Variants in DPY19L2 observed in about 807,000 individuals in gnomAD.
DPY19L2 encodes the protein probable C-mannosyltransferase DPY19L2.
A neutral mutation model predicts 97.9 loss-of-function variants in DPY19L2; 34 were observed. The observed-to-expected ratio is 0.35, with a 90% CI of 0.26 to 0.46. The LOEUF (loss-of-function observed/expected upper bound fraction) is 0.46. DPY19L2 is among the 20% of genes least tolerant of loss of function. DPY19L2 has a pLI of 1.00. For synonymous variants in DPY19L2, 230 were observed against 307.9 expected, an observed-to-expected ratio of 0.75 and a Z score of 2.65; for missense variants, 623 against 911.4, an observed-to-expected ratio of 0.68 and a Z score of 4.07.
intron 16 of DPY19L2, among the ~76,000 whole-genome samples, chr12:63,592,733 G>C (rs1346679573): frequency 6.7e-6 from 1 of 149,900 alleles, no homozygotes; most frequent in East Asian, 2.0e-4. Flanking sequence ...GCATGGGCAA[G>C]GACTTCATGT....
upstream of DPY19L2, chr12:63,668,566 G>C (rs1236198663): frequency 8.8e-6 from 6 of 683,000 alleles, no homozygotes; most frequent in African/African-American, 1.1e-4. Flanking sequence ...GCATGCGTTG[G>C]AAGCCATTCG....
intron 15 of DPY19L2, 120 bp from the exon 16 acceptor site, chr12:63,594,253 G>T: frequency 2.7e-6 from 2 of 730,954 alleles, no homozygotes; most frequent in Non-Finnish European, 4.3e-6. Flanking sequence ...GTTTAAGGGA[G>T]TCCTCAGGAA....
intron 4 of DPY19L2, among the ~76,000 whole-genome samples, chr12:63,653,540 C>A (rs1275951753): frequency 1.3e-5 from 2 of 151,750 alleles, no homozygotes; most frequent in Non-Finnish European, 2.9e-5. Flanking sequence ...AGAGTGAGAT[C>A]CTGTCTCAAA....
In DPY19L2 at chr12:63,585,584, A is replaced by C. The variant is rs187335755; in HGVS notation, c.1581-1748T>G. ...TGTCCCGAAATCTTCTAGGCACAACAGATTCCTGTAGTGAGCTGCATGCAA... is the reference window on the plus strand; with the variant it reads ...TGTCCCGAAATCTTCTAGGCACAACCGATTCCTGTAGTGAGCTGCATGCAA... On this transcript the variant is annotated intron_variant, in intron 16 of 21. Transcript: ENST00000324472. Among the ~76,000 whole-genome samples, 1,262 of 152,248 alleles carry C rather than the reference A, an allele frequency of 8.3e-3. 13 individuals are homozygous for C. Among genetic ancestry groups the C allele is most frequent in the Middle Eastern group, 0.017 (5 of 294 alleles).
upstream of DPY19L2, chr12:63,668,619 G>A: frequency 3.6e-6 from 2 of 548,030 alleles, no homozygotes; most frequent in South Asian, 4.6e-5. Flanking sequence ...TCCCCAGCGC[G>A]AGCAGCACCC....
At chr12:63,574,549 T>C (rs1483211738) in intron 19 of DPY19L2, among the ~76,000 whole-genome samples, 1 of 151,806 alleles carries the variant, frequency 6.6e-6, no homozygotes, top group Non-Finnish European at 1.5e-5. Context: ...TAAGAATCTG[T>C]TACCTACAAG....
intron 19 of DPY19L2, among the ~76,000 whole-genome samples, chr12:63,572,230 A>G (rs2137297035): frequency 6.6e-6 from 1 of 152,190 alleles, no homozygotes; most frequent in Non-Finnish European, 1.5e-5. Context: ...AGCACTCACC[A>G]CAAGCTGACT....
intron 19 of DPY19L2, among the ~76,000 whole-genome samples, chr12:63,571,828 T>C (rs1326509214): frequency 6.6e-6 from 1 of 152,184 alleles, no homozygotes; most frequent in Non-Finnish European, 1.5e-5. Context: ...AAATGCTTAC[T>C]TCCTGGTACT....
chr12:63,625,353 C>T (rs1385774897), intron 7 of DPY19L2, among the ~76,000 whole-genome samples: 1 of 151,018 alleles, frequency 6.6e-6, no homozygotes, highest in Non-Finnish European at 1.5e-5. Flanking sequence ...GCTGAGATCA[C>T]GCCACTGCAC....
At chr12:63,585,564 C>T (rs1881655824) in intron 16 of DPY19L2, among the ~76,000 whole-genome samples, 1 of 151,924 alleles carries the variant, frequency 6.6e-6, no homozygotes, top group South Asian at 2.1e-4. Flanking sequence ...CCACTTGTCC[C>T]GAAATCTTCT....
intron 19 of DPY19L2, among the ~76,000 whole-genome samples, chr12:63,576,993 A>G (rs1879969945): frequency 6.6e-6 from 1 of 152,136 alleles, no homozygotes; most frequent in South Asian, 2.1e-4. Flanking sequence ...CCTGAGCAAG[A>G]AGAACAAAAC....
At chr12:63,601,461 A>C (rs1019395406) in intron 12 of DPY19L2, among the ~76,000 whole-genome samples, 2 of 152,196 alleles carry the variant, frequency 1.3e-5, no homozygotes, top group African/African-American at 4.8e-5. Context: ...ACCAACAAGT[A>C]GAGCAATACA....
intron 11 of DPY19L2, among the ~76,000 whole-genome samples, chr12:63,615,612 A>C (rs1887696923): frequency 6.6e-6 from 1 of 152,178 alleles, no homozygotes; most frequent in Non-Finnish European, 1.5e-5. Flanking sequence ...GTTCTTCAAC[A>C]AATAAATTTC....
chr12:63,637,288 G>A (rs1272813622), intron 6 of DPY19L2, among the ~76,000 whole-genome samples: 1 of 152,108 alleles, frequency 6.6e-6, no homozygotes, highest in Non-Finnish European at 1.5e-5. Context: ...TTAAAGCAGT[G>A]TATAGAGGAA....
chr12:63,626,457 T>C lies in DPY19L2; in HGVS notation c.861+12A>G, dbSNP rs775576776. On this transcript the variant is annotated intron_variant, in intron 7 of 21. Coordinates refer to ENST00000324472, the MANE Select transcript of DPY19L2 (RefSeq NM_173812.5). ...CTTCTATTTCTTAAAAATTGCTTTCTAGAAAACAAACCTCTCCATGGTTGA... is the reference window on the plus strand; with the variant it reads ...CTTCTATTTCTTAAAAATTGCTTTCCAGAAAACAAACCTCTCCATGGTTGA... The C allele has an allele frequency of 6.4e-7, 1 of 1,566,540 alleles. No individual in the cohort carries two copies. The highest frequency in any genetic ancestry group is 2.3e-5 in the East Asian group (1 of 43,952).
At chr12:63,658,202 T>A (rs2138270845) in intron 4 of DPY19L2, among the ~76,000 whole-genome samples, 1 of 152,176 alleles carries the variant, frequency 6.6e-6, no homozygotes, top group South Asian at 2.1e-4. Flanking sequence ...ATATTACAAA[T>A]ATTTTCTCCT....
At chr12:63,639,825 A>G (rs1892392296) in intron 6 of DPY19L2, among the ~76,000 whole-genome samples, 2 of 152,268 alleles carry the variant, frequency 1.3e-5, no homozygotes, top group East Asian at 1.9e-4. Context: ...TAGAAATACC[A>G]TTTGACCCAG....
chr12:63,659,456 TC>T (rs945145718), intron 4 of DPY19L2, among the ~76,000 whole-genome samples: 1 of 141,592 alleles, frequency 7.1e-6, no homozygotes, highest in Non-Finnish European at 1.5e-5. Flanking sequence ...TCCAACATAT[TC>T]CCAACCAAAA....
chr12:63,616,924 C>G (rs1887935527), intron 11 of DPY19L2, among the ~76,000 whole-genome samples: 1 of 151,956 alleles, frequency 6.6e-6, no homozygotes, highest in African/African-American at 2.4e-5. Context: ...AAGAATGTGC[C>G]ATAGTCTGTG....
Sources: gnomAD v4.1 joint callset for allele counts (sites outside exome capture counted in the v4.1 genomes callset) on GRCh38, gnomAD v4.1.1 for gene constraint, MANE v1.5 for transcripts, NCBI Gene and HGNC (gene_info 2026-07-23, HGNC 2026-07-21) for gene names.